The following PEX13 variants were observed in gnomAD, a reference collection of about 807,000 sequenced individuals.
PEX13 encodes peroxisome biogenesis factor 13.
A neutral mutation model predicts 34.5 loss-of-function variants in PEX13; 28 were observed. That is an observed-to-expected ratio of 0.81 (90% CI 0.60 to 1.11). The LOEUF (loss-of-function observed/expected upper bound fraction) is 1.11. Ranked by LOEUF, PEX13 falls within the 50% of genes most tolerant of loss-of-function variation. The probability of loss-of-function intolerance (pLI) is 0.00; values close to 1 mark genes in which losing one functional copy is unlikely to be tolerated. For synonymous variants in PEX13, 177 were observed against 175.1 expected, an observed-to-expected ratio of 1.01 and a Z score of -0.09; for missense variants, 550 against 491.0, an observed-to-expected ratio of 1.12 and a Z score of -1.13.
chr2:61,038,023 T>C (rs1345815513), intron 2 of PEX13, among the ~76,000 whole-genome samples: 2 of 152,208 alleles, frequency 1.3e-5, no homozygotes, highest in Non-Finnish European at 2.9e-5. Flanking sequence ...GGTAAATTCC[T>C]GGACACATAC....
At position 61,026,263 on chromosome 2, in the gene PEX13, C is replaced by T. The variant is rs115766022; in HGVS notation, c.93-5156C>T. Among the ~76,000 whole-genome samples the T allele has an allele frequency of 7.2e-3, 1,088 of 152,102 alleles. 13 individuals are homozygous for T. The highest frequency in any genetic ancestry group is 0.025 in the African/African-American group (1,020 of 41,512). ...CCAAGTTCTGTATTTCCATTCTGCTCCTTAGTGTACAGCAGCTAATTTTCT... is the reference window on the plus strand; with the variant it reads ...CCAAGTTCTGTATTTCCATTCTGCTTCTTAGTGTACAGCAGCTAATTTTCT... On this transcript the variant is annotated intron_variant, in intron 1 of 3. Transcript: ENST00000295030.
At chr2:61,033,058 C>T (rs961779809) in intron 2 of PEX13, among the ~76,000 whole-genome samples, 6 of 152,096 alleles carry the variant, frequency 3.9e-5, no homozygotes, top group African/African-American at 1.4e-4. Context: ...TGTTTTTAAG[C>T]AGACTGTGAC....
At position 61,048,494 on chromosome 2, in the gene PEX13, T is replaced by C; in HGVS notation, c.936T>C (p.Gly312=). 1.2e-6 allele frequency: 2 copies of C among 1,614,044 alleles called. No homozygotes were observed. The highest frequency in any genetic ancestry group is 1.7e-6 in the Non-Finnish European group (2 of 1,179,982). Residue 312 remains glycine, a synonymous_variant, in exon 4 of 4, where the codon GGT becomes GGC. Coordinates refer to ENST00000295030, the MANE Select transcript of PEX13 (RefSeq NM_002618.4). ...ALKEQQPKVR[G]WLLASLDGQT... is the part of the protein sequence containing the mutation. ...CAGAACAACAACCCAAAGTGCGTGG[T>C]TGGCTTCTGGCTAGCCTTGATGGCC...
intron 2 of PEX13, among the ~76,000 whole-genome samples, chr2:61,041,341 TG>T (rs953180729): frequency 2.0e-5 from 3 of 151,746 alleles, no homozygotes; most frequent in African/African-American, 7.3e-5. Flanking sequence ...AATAAATAAA[TG>T]GAAGAACTAA....
At chr2:61,020,785 G>A (rs1458985777) in intron 1 of PEX13, among the ~76,000 whole-genome samples, 2 of 152,120 alleles carry the variant, frequency 1.3e-5, no homozygotes, top group African/African-American at 4.8e-5. Context: ...CTCCCGGACA[G>A]TTGAGACTAC....
intron 2 of PEX13, among the ~76,000 whole-genome samples, chr2:61,040,012 G>A (rs573574023): frequency 3.6e-4 from 55 of 152,278 alleles, no homozygotes; most frequent in African/African-American, 1.3e-3. Context: ...CTGGTCATCA[G>A]AGAAATGCAA....
rs1349023080 is a variant in PEX13 at position 61,031,775 on chromosome 2, C to T, written c.449C>T (p.Thr150Ile). Residue 150 changes from threonine to isoleucine, a missense_variant, in exon 2 of 4, where the codon ACC becomes ATC. Coordinates refer to ENST00000295030, the MANE Select transcript of PEX13 (RefSeq NM_002618.4). Reference protein sequence around the residue: ...FASVSMMMDATFSAVYNSFRA... With the variant: ...FASVSMMMDAIFSAVYNSFRA... ...TCTGTCAGTATGATGATGGATGCTACCTTTTCAGCTGTCTATAACAGTTTC... is the reference window on the plus strand; with the variant it reads ...TCTGTCAGTATGATGATGGATGCTATCTTTTCAGCTGTCTATAACAGTTTC... The T allele has an allele frequency of 6.2e-7, 1 of 1,613,350 alleles. No individual in the cohort carries two copies. Among genetic ancestry groups the T allele is most frequent in the South Asian group, 1.1e-5 (1 of 91,058 alleles).
At chr2:61,018,355 A>T in intron 1 of PEX13, 1 of 1,499,736 alleles carries the variant, frequency 6.7e-7, no homozygotes, top group Non-Finnish European at 9.0e-7. Context: ...TTCCAGCATA[A>T]CTCAGCCAGT....
At chr2:61,028,005 A>G in intron 1 of PEX13, among the ~76,000 whole-genome samples, 1 of 152,246 alleles carries the variant, frequency 6.6e-6, no homozygotes, top group East Asian at 1.9e-4. Context: ...GCAGTTCCAC[A>G]TCTAATATTT....
At chr2:61,021,556 C>T (rs1371521625) in intron 1 of PEX13, among the ~76,000 whole-genome samples, 1 of 152,208 alleles carries the variant, frequency 6.6e-6, no homozygotes, top group African/African-American at 2.4e-5. Flanking sequence ...CTCAGCAAGG[C>T]CTACTGCCTC....
chr2:61,048,611 G>A lies in PEX13; in HGVS notation c.1053G>A (p.Gln351=). The part of the protein sequence containing the change: ...KTVESSKVSK[Q]QQSFTNPTLT... ...TGGAATCAAGTAAAGTTTCCAAGCA[G>A]CAACAATCTTTTACCAACCCAACAC... Residue 351 remains glutamine, a synonymous_variant, in exon 4 of 4, where the codon CAG becomes CAA. Coordinates refer to ENST00000295030, the MANE Select transcript of PEX13 (RefSeq NM_002618.4). 6.2e-7 allele frequency: 1 copy of A among 1,614,118 alleles called. No individual in the cohort carries two copies. The highest frequency in any genetic ancestry group is 8.5e-7 in the Non-Finnish European group (1 of 1,180,016).
chr2:61,036,790 A>T (rs1680542528), intron 2 of PEX13, among the ~76,000 whole-genome samples: 1 of 152,200 alleles, frequency 6.6e-6, no homozygotes, highest in African/African-American at 2.4e-5. Context: ...TGTTAACCTT[A>T]AATGTAAATG....
At position 61,031,620 on chromosome 2, in the gene PEX13, T is replaced by C. The variant is rs762328486; in HGVS notation, c.294T>C (p.Tyr98=). The change falls in exon 2 of 4, where the codon TAT becomes TAC. Residue 98 remains tyrosine (Y), a synonymous_variant. Transcript: ENST00000295030. The stretch of plus-strand genomic sequence containing the variant: ...ATGGAGGCTATAGTCCTTATAGTTA[T>C]GGATATAATGGGCTGGGCTACAACC... ...SFYGGYSPYS[Y]GYNGLGYNRL... is the part of the protein sequence containing the mutation. The C allele has an allele frequency of 3.2e-5, 52 of 1,614,062 alleles. No homozygotes were observed. The highest frequency in any genetic ancestry group is 4.0e-5 in the African/African-American group (3 of 74,912).
chr2:61,018,028 C>G, intron 1 of PEX13, 177 bp downstream of exon 1: 10 of 1,415,832 alleles, frequency 7.1e-6, no homozygotes, highest in Non-Finnish European at 9.4e-6. Context: ...TTTAGTGTCT[C>G]ACAGCTGTTT....
rs1680758337 is a variant in PEX13, at chr2:61,049,259, A to G, written c.*489A>G. ...AATAAAATTTTCTGATCTGTATTAT[A>G]TCCAGTGTTGGGTTTATATTTTCAC... On this transcript the variant is annotated 3_prime_UTR_variant, in exon 4 of 4. Transcript: ENST00000295030. 2 of 157,342 alleles carry G rather than the reference A, an allele frequency of 1.3e-5. No individual in the cohort carries two copies. Among genetic ancestry groups the G allele is most frequent in the Admixed American group, 6.2e-5 (1 of 16,246 alleles). 9.7% of individuals were successfully genotyped at this position (157,342 alleles called of 1,614,324 possible). A position where few individuals can be genotyped will look rare whatever the true frequency, so the allele number is the denominator to read the frequency against.
At chr2:61,018,339 A>T in intron 1 of PEX13, 1 of 1,519,962 alleles carries the variant, frequency 6.6e-7, no homozygotes, top group Non-Finnish European at 8.9e-7. Flanking sequence ...TACACTTTGC[A>T]TTCTTTTCCA....
chr2:61,032,219 G>A (rs1680464668), intron 2 of PEX13, 106 bp downstream of exon 2: 2 of 858,542 alleles, frequency 2.3e-6, no homozygotes, highest in South Asian at 1.6e-5. Context: ...ACTGTTTCCA[G>A]TTATATTTTC....
Position 61,031,825 on chromosome 2 carries a change from CA to C in PEX13, c.500del (p.His167ProfsTer5). The C allele has an allele frequency of 6.2e-7, 1 of 1,613,430 alleles. No homozygotes were observed. The highest frequency in any genetic ancestry group is 8.5e-7 in the Non-Finnish European group (1 of 1,179,322). On this transcript the variant is annotated frameshift_variant, in exon 2 of 4. Transcript: ENST00000295030. LOFTEE classifies it high-confidence loss of function. ...CAGGGCTGTATTGGATGTAGCAAAT[CA>C]CTTTTCCCGATTGAAAATACACTTT... ...SFRAVLDVAN[H>X]FSRLKIHFTK...
At chr2:61,041,565 T>C (rs1336614611) in intron 2 of PEX13, among the ~76,000 whole-genome samples, 1 of 152,130 alleles carries the variant, frequency 6.6e-6, no homozygotes. Flanking sequence ...CTCCAGCAAG[T>C]AGTTTTGGTA....
Sources: gnomAD v4.1 joint callset for allele counts (sites outside exome capture counted in the v4.1 genomes callset) on GRCh38, gnomAD v4.1.1 for gene constraint, MANE v1.5 for transcripts, NCBI Gene and HGNC (gene_info 2026-07-23, HGNC 2026-07-21) for gene names.